Variants in SP140 observed in about 807,000 individuals in gnomAD.
SP140 encodes the protein nuclear body protein SP140.
In SP140, 81 loss-of-function variants were observed where a neutral mutation model predicts 125.0. The observed-to-expected ratio is 0.65, with a 90% CI of 0.54 to 0.78. The LOEUF (loss-of-function observed/expected upper bound fraction) is 0.78, where lower values mean the gene tolerates loss of function less well. Ranked by LOEUF, SP140 falls within the 30% of genes least tolerant of loss-of-function variation. SP140 has a pLI of 0.00. For missense variants in SP140, 858 were observed against 1,037.0 expected (o/e 0.83, Z 2.37); for synonymous variants, 312 against 354.0 (o/e 0.88, Z 1.33).
intron 11 of SP140, 104 bp downstream of exon 11, chr2:230,253,521 A>G: frequency 2.5e-6 from 2 of 803,050 alleles, no homozygotes; most frequent in Non-Finnish European, 4.3e-6. Flanking sequence ...TCTTCTTCAC[A>G]TTCGCATACA....
intron 22 of SP140, among the ~76,000 whole-genome samples, chr2:230,300,767 T>G (rs567095266): frequency 6.6e-6 from 1 of 152,294 alleles, no homozygotes; most frequent in South Asian, 2.1e-4. Context: ...AAAGATCACG[T>G]TAGCTCACCA....
chr2:230,240,563 T>C (rs2048583117), intron 3 of SP140, among the ~76,000 whole-genome samples: 1 of 149,398 alleles, frequency 6.7e-6, no homozygotes, highest in African/African-American at 2.4e-5. Context: ...ATATAAAGTG[T>C]ATGACATTAT....
At chr2:230,281,778 T>C (rs1239403717) in intron 15 of SP140, among the ~76,000 whole-genome samples, 1 of 152,242 alleles carries the variant, frequency 6.6e-6, no homozygotes, top group African/African-American at 2.4e-5. Context: ...ATTATCTGGA[T>C]ATACCAAATT....
intron 12 of SP140, among the ~76,000 whole-genome samples, chr2:230,260,556 C>T (rs2052058554): frequency 6.6e-6 from 1 of 152,116 alleles, no homozygotes. Context: ...TGTTATCTTC[C>T]AGAATTTTTA....
chr2:230,306,216 C>T (rs1359336168), intron 22 of SP140, among the ~76,000 whole-genome samples: 1 of 152,238 alleles, frequency 6.6e-6, no homozygotes, highest in Admixed American at 6.5e-5. Context: ...GAGCCTCTAT[C>T]ACAGCCTGGA....
intron 3 of SP140, among the ~76,000 whole-genome samples, chr2:230,215,325 A>C (rs2044997037): frequency 6.6e-6 from 1 of 152,196 alleles, no homozygotes; most frequent in South Asian, 2.1e-4. Flanking sequence ...GATGACTAGC[A>C]ACAAAAATAA....
chr2:230,239,409 G>A (rs1238825564), intron 3 of SP140, among the ~76,000 whole-genome samples: 1 of 152,054 alleles, frequency 6.6e-6, no homozygotes, highest in East Asian at 1.9e-4. Context: ...TTGTTAAATT[G>A]TATTTTTCAT....
chr2:230,233,488 G>T (rs1350233926), intron 1 of SP140, among the ~76,000 whole-genome samples: 1 of 152,032 alleles, frequency 6.6e-6, no homozygotes, highest in Admixed American at 6.6e-5. Flanking sequence ...TTAGAACAGT[G>T]CTTCTCAAGT....
intron 7 of SP140, 149 bp from the exon 8 acceptor site, chr2:230,247,767 G>T (rs946923643): frequency 1.5e-6 from 1 of 671,380 alleles, no homozygotes; most frequent in Non-Finnish European, 2.5e-6. Context: ...ATTTTCTGAT[G>T]ACTCTTTCTC....
intron 12 of SP140, among the ~76,000 whole-genome samples, chr2:230,267,697 A>G (rs2053335042): frequency 6.6e-6 from 1 of 152,248 alleles, no homozygotes; most frequent in Admixed American, 6.5e-5. Flanking sequence ...GGCAAAGACA[A>G]TCCCGTGACA....
In SP140 at chr2:230,211,079, A is replaced by G. The variant is rs2044416196; in HGVS notation, c.-322-2575A>G. Reference sequence around the variant, plus strand: ...GGCCTCAGAAGAGTGGCTCTGTCAAACAGTCCAGCCTGACTCAGTTCCCTT... The same window carrying G: ...GGCCTCAGAAGAGTGGCTCTGTCAAGCAGTCCAGCCTGACTCAGTTCCCTT... On this transcript the variant is annotated intron_variant, in intron 1 of 4. Transcript: ENST00000456542. The surrounding 1 kb of genome is among the most constrained non-coding windows in gnomAD (Gnocchi z 4.2). 6.6e-6 allele frequency among the ~76,000 whole-genome samples: 1 copy of G among 152,154 alleles called. No homozygotes were observed. Among genetic ancestry groups the G allele is most frequent in the Non-Finnish European group, 1.5e-5 (1 of 68,010 alleles).
upstream of SP140, among the ~76,000 whole-genome samples, chr2:230,199,422 T>C (rs532751865): frequency 6.6e-6 from 1 of 151,868 alleles, no homozygotes; most frequent in Non-Finnish European, 1.5e-5. Flanking sequence ...CTGGCCAGGC[T>C]GGTCTCGAAC....
At chr2:230,268,777 G>A (rs893693675) in intron 12 of SP140, among the ~76,000 whole-genome samples, 5 of 152,178 alleles carry the variant, frequency 3.3e-5, no homozygotes, top group Non-Finnish European at 7.3e-5. Flanking sequence ...AAAATGACCT[G>A]AGCTGGACAC....
intron 3 of SP140, chr2:230,216,883 G>T: frequency 6.2e-7 from 1 of 1,614,052 alleles, no homozygotes; most frequent in African/African-American, 1.3e-5. Flanking sequence ...GGTGCATGAA[G>T]TGCTGAAAAA....
chr2:230,221,917 A>C, upstream of SP140: 3 of 610,294 alleles, frequency 4.9e-6, no homozygotes, highest in Non-Finnish European at 5.9e-6. Flanking sequence ...AGGATGAAAG[A>C]TGTTTATTCT....
intron 9 of SP140, 59 bp downstream of exon 9, chr2:230,249,027 GAA>G (rs375167921): frequency 1.4e-6 from 2 of 1,402,056 alleles, no homozygotes; most frequent in African/African-American, 1.4e-5. Flanking sequence ...AGTTGGCATG[GAA>G]AAAAAGTTTC....
At chr2:230,267,269 G>A (rs952722969) in intron 12 of SP140, among the ~76,000 whole-genome samples, 9 of 152,296 alleles carry the variant, frequency 5.9e-5, no homozygotes, top group Admixed American at 3.3e-4. Flanking sequence ...CAAATCATCC[G>A]TAGTGTAGGT....
intron 20 of SP140, 105 bp from the exon 21 acceptor site, chr2:230,294,166 G>A: frequency 2.4e-6 from 2 of 842,918 alleles, no homozygotes; most frequent in Non-Finnish European, 4.0e-6. Context: ...ATTTGAGCTG[G>A]CAGTGGAACA....
chr2:230,270,710 G>A (rs1475831481), intron 15 of SP140, 71 bp downstream of exon 15: 16 of 1,369,170 alleles, frequency 1.2e-5, no homozygotes, highest in Non-Finnish European at 1.6e-5. Context: ...TTTTAATTTT[G>A]TCATTGTTAC....
Sources: allele counts gnomAD v4.1 joint callset (sites outside exome capture counted in the v4.1 genomes callset), GRCh38; gene constraint gnomAD v4.1.1; non-coding constraint Gnocchi (gnomAD v3.1); transcripts MANE v1.5; gene names NCBI Gene and HGNC (gene_info 2026-07-23, HGNC 2026-07-21).